PPM1H: variants seen among roughly 807,000 people sequenced by gnomAD.
PPM1H encodes the protein protein phosphatase, Mg2+/Mn2+ dependent 1H, also known as protein phosphatase 1H.
Under a neutral mutation model 54.9 loss-of-function variants are expected in PPM1H, and 27 were observed. That is an observed-to-expected ratio of 0.49 (90% CI 0.36 to 0.68). The LOEUF (loss-of-function observed/expected upper bound fraction) is 0.68, where lower values mean the gene tolerates loss of function less well. Ranked by LOEUF, PPM1H falls within the 30% of genes least tolerant of loss-of-function variation. The pLI is 0.00. For synonymous variants in PPM1H, 305 were observed against 270.8 expected, an observed-to-expected ratio of 1.13 and a Z score of -1.24; for missense variants, 596 against 667.8, an observed-to-expected ratio of 0.89 and a Z score of 1.19.
At chr12:62,858,908 T>C (rs1488275281) in intron 1 of PPM1H, among the ~76,000 whole-genome samples, 1 of 152,244 alleles carries the variant, frequency 6.6e-6, no homozygotes, top group Non-Finnish European at 1.5e-5. Context: ...ATTCATAGAA[T>C]TTCAAGAGAA....
chr12:62,900,203 G>A (rs552967540), intron 1 of PPM1H, among the ~76,000 whole-genome samples: 3 of 152,292 alleles, frequency 2.0e-5, no homozygotes, highest in East Asian at 1.9e-4. Context: ...TGACTTCCTC[G>A]TTTGGATAAG....
rs552919040 is a variant in PPM1H at position 62,666,580 on chromosome 12, C to T, written c.1397+598G>A. On this transcript the variant is annotated intron_variant, in intron 9 of 9. Transcript: ENST00000228705. ...AGGATCAGAAATGGGATTATTTCTA[C>T]TTTAGAGGATAGCTTAGAGGAAGTA... Among the ~76,000 whole-genome samples the T allele has an allele frequency of 5.9e-5, 9 of 152,312 alleles. No homozygotes were observed. In the East Asian group the frequency reaches 1.7e-3, roughly 29 times the overall value.
chr12:62,737,386 T>C (rs1481163348), intron 5 of PPM1H, 116 bp downstream of exon 5: 3 of 617,232 alleles, frequency 4.9e-6, no homozygotes, highest in Non-Finnish European at 5.5e-6. Flanking sequence ...GTTAATACCA[T>C]ATGTCATTTG....
At chr12:62,723,360 T>TA (rs950246246) in intron 5 of PPM1H, among the ~76,000 whole-genome samples, 14 of 146,892 alleles carry the variant, frequency 9.5e-5, no homozygotes, top group East Asian at 2.0e-4. Flanking sequence ...CTGCCCTGAT[T>TA]AAAAAAAAAA....
chr12:62,740,474 T>C (rs967859411), intron 4 of PPM1H, among the ~76,000 whole-genome samples: 6 of 152,200 alleles, frequency 3.9e-5, no homozygotes, highest in Non-Finnish European at 5.9e-5. Context: ...TCTGTCTCAG[T>C]ATTCTCCCTG....
chr12:62,905,092 T>C (rs1871266837), intron 1 of PPM1H, among the ~76,000 whole-genome samples: 1 of 152,168 alleles, frequency 6.6e-6, no homozygotes, highest in Non-Finnish European at 1.5e-5. Flanking sequence ...CTTCAATTTC[T>C]TCATCTGTGA....
intron 1 of PPM1H, among the ~76,000 whole-genome samples, chr12:62,875,545 C>A (rs1280065381): frequency 6.6e-6 from 1 of 152,164 alleles, no homozygotes; most frequent in Non-Finnish European, 1.5e-5. Context: ...TAGGAATGGG[C>A]TCGTTAAAAT....
intron 5 of PPM1H, among the ~76,000 whole-genome samples, 175 bp downstream of exon 5, chr12:62,737,327 C>T (rs981556738): frequency 5.3e-5 from 8 of 151,586 alleles, no homozygotes; most frequent in Admixed American, 1.3e-4. Flanking sequence ...TGGAGTGTGT[C>T]GTCACACACG....
At chr12:62,821,613 A>G (rs950171413) in intron 2 of PPM1H, among the ~76,000 whole-genome samples, 1 of 152,246 alleles carries the variant, frequency 6.6e-6, no homozygotes, top group South Asian at 2.1e-4. Flanking sequence ...AGTGGGGGCC[A>G]ATATTCAACA....
At chr12:62,772,001 C>T (rs532620462) in intron 4 of PPM1H, among the ~76,000 whole-genome samples, 40 of 152,232 alleles carry the variant, frequency 2.6e-4, no homozygotes, top group African/African-American at 8.9e-4. Context: ...AATTTACAGA[C>T]GAGGTAACTG....
chr12:62,685,048 T>G (rs894321923), intron 8 of PPM1H, among the ~76,000 whole-genome samples: 1 of 152,134 alleles, frequency 6.6e-6, no homozygotes, highest in African/African-American at 2.4e-5. Context: ...CTGGCTCTGG[T>G]GGAGGCCTCT....
Position 62,742,877 on chromosome 12 carries a change from A to T in PPM1H, c.870-5291T>A, listed in dbSNP as rs138493362. ...TACAGAGGGGATGGGTTTTCAGCAT[A>T]TTATCCAATATTAAGGTTAGCCTTT... On this transcript the variant is annotated intron_variant, in intron 4 of 9. Coordinates refer to ENST00000228705, the MANE Select transcript of PPM1H (RefSeq NM_020700.2). Among the ~76,000 whole-genome samples, 565 of 152,292 alleles carry T rather than the reference A, an allele frequency of 3.7e-3. 1 individual carries two copies. Among genetic ancestry groups the T allele is most frequent in the Non-Finnish European group, 5.6e-3 (378 of 68,042 alleles).
At chr12:62,761,866 T>A (rs1337770061) in intron 4 of PPM1H, among the ~76,000 whole-genome samples, 1 of 152,194 alleles carries the variant, frequency 6.6e-6, no homozygotes, top group Admixed American at 6.5e-5. Flanking sequence ...GCTGGAAGGC[T>A]TAGACATGAA....
chr12:62,817,419 G>A (rs1051718925), intron 2 of PPM1H, among the ~76,000 whole-genome samples: 2 of 150,880 alleles, frequency 1.3e-5, no homozygotes, highest in South Asian at 2.1e-4. Context: ...CCAAGATAGC[G>A]CCACTGCACT....
chr12:62,757,872 G>A (rs370744609), intron 4 of PPM1H, among the ~76,000 whole-genome samples: 3 of 152,132 alleles, frequency 2.0e-5, no homozygotes, highest in Admixed American at 6.5e-5. Context: ...CCATTGGCTG[G>A]TCTCATTCAC....
chr12:62,883,659 T>C (rs1273915460), intron 1 of PPM1H, among the ~76,000 whole-genome samples: 2 of 152,194 alleles, frequency 1.3e-5, no homozygotes, highest in Non-Finnish European at 2.9e-5. Flanking sequence ...AAAGCCTAGA[T>C]TCTGATCGTG....
chr12:62,884,514 A>G (rs1161352761), intron 1 of PPM1H, among the ~76,000 whole-genome samples: 1 of 150,506 alleles, frequency 6.6e-6, no homozygotes, highest in Non-Finnish European at 1.5e-5. Context: ...AAAAAAAAAA[A>G]AAAAGAAAGA....
At chr12:62,850,720 TTTTTC>T (rs1869151349) in intron 1 of PPM1H, 1 of 149,368 alleles carries the variant, frequency 6.7e-6, no homozygotes, top group Non-Finnish European at 1.5e-5. Flanking sequence ...TATTTATATT[TTTTTC>T]TTTTTTCTTT....
Position 62,918,837 on chromosome 12 carries a change from G to A in PPM1H, c.245+15655C>T, listed in dbSNP as rs147243220. 3.9e-5 allele frequency among the ~76,000 whole-genome samples: 6 copies of A among 152,348 alleles called. No homozygotes were observed. In the East Asian group the frequency reaches 1.2e-3, roughly 29 times the overall value. The stretch of plus-strand genomic sequence containing the variant: ...TTGAAGTGAAAAAACTCATCAGTAT[G>A]TAGAATTATCGCAGTTGGAAAATAG... On this transcript the variant is annotated intron_variant, in intron 1 of 9. Transcript: ENST00000228705.
Sources: gnomAD v4.1 joint callset for allele counts (sites outside exome capture counted in the v4.1 genomes callset) on GRCh38, gnomAD v4.1.1 for gene constraint, MANE v1.5 for transcripts, NCBI Gene and HGNC (gene_info 2026-07-23, HGNC 2026-07-21) for gene names.